Variants in STK39 observed in about 807,000 individuals in gnomAD.
STK39 encodes STE20/SPS1-related proline-alanine-rich protein kinase.
Under a neutral mutation model 77.8 loss-of-function variants are expected in STK39, and 20 were observed. That is an observed-to-expected ratio of 0.26 (90% CI 0.18 to 0.37). The LOEUF (loss-of-function observed/expected upper bound fraction) is 0.37, where lower values mean the gene tolerates loss of function less well. Among genes scored for constraint, STK39 ranks in the 10% least tolerant of loss-of-function variants. The pLI is 1.00. For synonymous variants in STK39, 246 were observed against 234.1 expected (o/e 1.05, Z -0.47); for missense variants, 479 against 656.5 (o/e 0.73, Z 2.95).
intron 10 of STK39, among the ~76,000 whole-genome samples, chr2:168,125,342 C>T (rs796651357): frequency 8.5e-5 from 13 of 152,210 alleles, no homozygotes; most frequent in African/African-American, 2.9e-4. Flanking sequence ...CGTGGTTAAG[C>T]TTTCAAACCC....
intron 14 of STK39, among the ~76,000 whole-genome samples, chr2:168,019,829 G>A (rs566871986): frequency 1.3e-5 from 2 of 151,938 alleles, no homozygotes; most frequent in South Asian, 4.2e-4. Context: ...TCAGCCTCCC[G>A]AGCAGCTGAG....
intron 5 of STK39, among the ~76,000 whole-genome samples, chr2:168,143,548 T>C (rs1301306910): frequency 1.3e-5 from 2 of 151,910 alleles, no homozygotes; most frequent in African/African-American, 4.8e-5. Context: ...CCATCTCTAC[T>C]AAAAAAATAC....
At chr2:168,063,011 C>T (rs770280780) in intron 14 of STK39, among the ~76,000 whole-genome samples, 2 of 152,126 alleles carry the variant, frequency 1.3e-5, no homozygotes, top group Non-Finnish European at 2.9e-5. Context: ...GTATCCATTT[C>T]CTAGAAGACT....
At chr2:168,090,746 A>C (rs1413355717) in intron 10 of STK39, among the ~76,000 whole-genome samples, 1 of 152,192 alleles carries the variant, frequency 6.6e-6, no homozygotes, top group Non-Finnish European at 1.5e-5. Context: ...TGTCCTCAGA[A>C]AACAACCATC....
At chr2:168,060,961 C>A (rs1211822468) in intron 14 of STK39, among the ~76,000 whole-genome samples, 1 of 152,180 alleles carries the variant, frequency 6.6e-6, no homozygotes, top group Non-Finnish European at 1.5e-5. Context: ...ATCAGATTGG[C>A]AATGGACATA....
At chr2:168,232,691 T>A (rs796422715) in intron 1 of STK39, among the ~76,000 whole-genome samples, 11 of 152,112 alleles carry the variant, frequency 7.2e-5, no homozygotes, top group African/African-American at 2.7e-4. Flanking sequence ...GGCAGGCAAA[T>A]CACGAGGTCA....
At chr2:168,187,853 T>C (rs1689246530) in intron 1 of STK39, among the ~76,000 whole-genome samples, 1 of 152,156 alleles carries the variant, frequency 6.6e-6, no homozygotes, top group Non-Finnish European at 1.5e-5. Flanking sequence ...AATTGTCCAG[T>C]AACCCCTTCC....
chr2:168,167,506 C>T (rs2292788), intron 2 of STK39, 99 bp from the exon 3 acceptor site: 24,541 of 1,014,948 alleles, frequency 0.024, 533 homozygotes, highest in East Asian at 0.066. Context: ...CTTTCCTACT[C>T]GAAAGCCTAC....
intron 12 of STK39, 57 bp downstream of exon 12, chr2:168,074,925 T>C: frequency 6.3e-7 from 1 of 1,592,702 alleles, no homozygotes; most frequent in Non-Finnish European, 8.5e-7. Context: ...GATCAGACTC[T>C]GATACCACAA....
chr2:168,105,466 C>T (rs1686944943), intron 10 of STK39, among the ~76,000 whole-genome samples: 1 of 152,120 alleles, frequency 6.6e-6, no homozygotes. Flanking sequence ...TTCAGGGGGC[C>T]CACTTCAGAA....
chr2:168,159,425 C>A (rs1470757978), intron 5 of STK39, among the ~76,000 whole-genome samples: 1 of 152,102 alleles, frequency 6.6e-6, no homozygotes, highest in East Asian at 1.9e-4. Context: ...CCAGAGACTC[C>A]TGGTCCTCAT....
At chr2:168,049,194 T>C (rs923729949) in intron 14 of STK39, among the ~76,000 whole-genome samples, 5 of 152,092 alleles carry the variant, frequency 3.3e-5, no homozygotes, top group Non-Finnish European at 4.4e-5. Flanking sequence ...CTCCCCTGAG[T>C]TAATCAATTC....
chr2:167,997,472 A>AATTC (rs1185839896), intron 16 of STK39, among the ~76,000 whole-genome samples: 9 of 152,174 alleles, frequency 5.9e-5, no homozygotes, highest in Admixed American at 5.9e-4. Context: ...GTAATCCAGT[A>AATTC]ATTCTCATAA....
At chr2:168,005,016 T>G (rs1032724304) in intron 16 of STK39, among the ~76,000 whole-genome samples, 4 of 142,316 alleles carry the variant, frequency 2.8e-5, no homozygotes, top group Non-Finnish European at 6.1e-5. Flanking sequence ...TTTTTTTTTT[T>G]TTTTTTTGAG....
At chr2:167,982,650 C>T (rs1274710784) in intron 16 of STK39, among the ~76,000 whole-genome samples, 1 of 152,198 alleles carries the variant, frequency 6.6e-6, no homozygotes, top group East Asian at 1.9e-4. Flanking sequence ...ACCCATCTGT[C>T]ACCTCTAGAT....
At chr2:167,997,302 C>G (rs1029188640) in intron 16 of STK39, among the ~76,000 whole-genome samples, 1 of 151,962 alleles carries the variant, frequency 6.6e-6, no homozygotes, top group Admixed American at 6.6e-5. Flanking sequence ...TTTGGGGAAA[C>G]TGCAGGGTGG....
chr2:168,082,105 G>A (rs1459506472), intron 10 of STK39, among the ~76,000 whole-genome samples: 1 of 152,076 alleles, frequency 6.6e-6, no homozygotes, highest in Non-Finnish European at 1.5e-5. Flanking sequence ...CAAAGACAAT[G>A]GATTCCTTCT....
intron 1 of STK39, among the ~76,000 whole-genome samples, chr2:168,208,476 G>A (rs1337716984): frequency 6.6e-6 from 1 of 152,160 alleles, no homozygotes; most frequent in Non-Finnish European, 1.5e-5. Flanking sequence ...AAAGATACAT[G>A]CAGAGACACC....
chr2:167,982,555 C>T (rs1362561392), intron 16 of STK39, among the ~76,000 whole-genome samples: 1 of 149,716 alleles, frequency 6.7e-6, no homozygotes. Flanking sequence ...TTATTCTACA[C>T]TCTCAGAAAT....
Sources: gnomAD v4.1 joint callset for allele counts (sites outside exome capture counted in the v4.1 genomes callset) on GRCh38, gnomAD v4.1.1 for gene constraint, MANE v1.5 for transcripts, NCBI Gene and HGNC (gene_info 2026-07-23, HGNC 2026-07-21) for gene names.